The following CCDC141 variants were observed in gnomAD, a reference collection of about 807,000 sequenced individuals.
CCDC141 encodes coiled-coil domain containing 141.
Under a neutral mutation model 181.0 loss-of-function variants are expected in CCDC141, and 168 were observed. The ratio of observed to expected loss-of-function variants is 0.93; its 90% confidence interval spans 0.82 to 1.05. The LOEUF (loss-of-function observed/expected upper bound fraction) is 1.05, where lower values mean the gene tolerates loss of function less well. CCDC141 is among the 50% of genes least tolerant of loss of function. The pLI, the probability that CCDC141 is intolerant of heterozygous loss-of-function variation, is 0.00. For synonymous variants in CCDC141, 666 were observed against 642.3 expected (o/e 1.04, Z -0.56); for missense variants, 1,902 against 1,788.5 (o/e 1.06, Z -1.14).
chr2:178,868,270 A>G, intron 15 of CCDC141, 65 bp from the exon 16 acceptor site: 1 of 1,410,488 alleles, frequency 7.1e-7, no homozygotes, highest in South Asian at 1.2e-5. Context: ...TTTTAAGCCT[A>G]ATTTCTATAG....
At chr2:178,925,766 A>G (rs1172986196) in intron 6 of CCDC141, among the ~76,000 whole-genome samples, 3 of 152,140 alleles carry the variant, frequency 2.0e-5, no homozygotes, top group East Asian at 1.9e-4. Flanking sequence ...CATCTAACAC[A>G]ATTTGCCTAC....
At chr2:179,029,619 T>C (rs2042949344) in intron 2 of CCDC141, among the ~76,000 whole-genome samples, 1 of 152,198 alleles carries the variant, frequency 6.6e-6, no homozygotes, top group Admixed American at 6.5e-5. Flanking sequence ...AGTTACATAT[T>C]GGATCCATAA....
At chr2:178,989,458 G>A (rs930791503) in intron 2 of CCDC141, among the ~76,000 whole-genome samples, 3 of 151,724 alleles carry the variant, frequency 2.0e-5, no homozygotes, top group African/African-American at 7.3e-5. Flanking sequence ...GCCAGGTGTG[G>A]TGGTGGGCAC....
At chr2:178,898,432 C>T (rs949170799) in intron 8 of CCDC141, among the ~76,000 whole-genome samples, 2 of 152,154 alleles carry the variant, frequency 1.3e-5, no homozygotes, top group African/African-American at 2.4e-5. Flanking sequence ...TATTCTTCTA[C>T]AGCAACAGAA....
intron 17 of CCDC141, among the ~76,000 whole-genome samples, chr2:178,865,089 A>G (rs546505147): frequency 1.3e-5 from 2 of 152,204 alleles, no homozygotes; most frequent in South Asian, 4.1e-4. Flanking sequence ...GTGAATATCT[A>G]GGTGTTGTGG....
chr2:178,961,189 C>G (rs771361008), intron 5 of CCDC141, 41 bp downstream of exon 5: 1 of 1,540,612 alleles, frequency 6.5e-7, no homozygotes, highest in Non-Finnish European at 8.8e-7. Flanking sequence ...AACAACTAAT[C>G]AGCTGAGGCT....
downstream of CCDC141, among the ~76,000 whole-genome samples, chr2:178,825,744 C>A (rs576527432): frequency 6.6e-6 from 1 of 151,820 alleles, no homozygotes; most frequent in East Asian, 1.9e-4. Flanking sequence ...TTTCTTACAG[C>A]CTGCCTTTGC....
At chr2:179,024,244 G>A (rs1220083992) in intron 2 of CCDC141, among the ~76,000 whole-genome samples, 1 of 152,166 alleles carries the variant, frequency 6.6e-6, no homozygotes, top group African/African-American at 2.4e-5. Flanking sequence ...CAAACCCTCA[G>A]AACTGTTGCA....
chr2:179,047,485 C>T (rs111937573), intron 1 of CCDC141, 79 bp from the exon 2 acceptor site: 71 of 1,232,650 alleles, frequency 5.8e-5, no homozygotes, highest in East Asian at 3.4e-4. Context: ...TTTAATATAT[C>T]GTTTAAATTT....
chr2:178,980,431 C>A (rs1198933864), intron 2 of CCDC141, among the ~76,000 whole-genome samples: 1 of 151,966 alleles, frequency 6.6e-6, no homozygotes, highest in Non-Finnish European at 1.5e-5. Flanking sequence ...GCCTGGGCAA[C>A]AGAGCGAGAC....
chr2:178,873,646 A>C (rs1343160384), intron 12 of CCDC141: 1 of 152,212 alleles, frequency 6.6e-6, no homozygotes, highest in African/African-American at 2.4e-5. Flanking sequence ...AGCTAGTAGG[A>C]TCTGTGAAAA....
At chr2:178,924,806 G>A (rs1352549855) in intron 6 of CCDC141, among the ~76,000 whole-genome samples, 1 of 152,202 alleles carries the variant, frequency 6.6e-6, no homozygotes. Flanking sequence ...AGAGATGAAA[G>A]AAGTGTGCTG....
At chr2:178,966,661 G>C (rs1320842746) in intron 4 of CCDC141, among the ~76,000 whole-genome samples, 1 of 152,092 alleles carries the variant, frequency 6.6e-6, no homozygotes, top group Non-Finnish European at 1.5e-5. Context: ...GTGCGAAAAG[G>C]CTGAAAATTC....
chr2:178,948,339 T>C (rs1177462657), intron 5 of CCDC141, among the ~76,000 whole-genome samples: 1 of 152,236 alleles, frequency 6.6e-6, no homozygotes, highest in Non-Finnish European at 1.5e-5. Context: ...AAAATGTGGC[T>C]ACTAGAAAAT....
intron 2 of CCDC141, among the ~76,000 whole-genome samples, chr2:179,038,240 A>G (rs1477601267): frequency 1.3e-5 from 2 of 152,208 alleles, no homozygotes; most frequent in African/African-American, 4.8e-5. Flanking sequence ...AAAACATCAT[A>G]TGCTAAGTGA....
At chr2:178,966,714 C>T (rs1015480356) in intron 4 of CCDC141, among the ~76,000 whole-genome samples, 1 of 151,994 alleles carries the variant, frequency 6.6e-6, no homozygotes, top group Admixed American at 6.6e-5. Flanking sequence ...ATCAAAACTC[C>T]TCACCAGCAA....
At chr2:178,828,862 G>GT (rs1308805157), downstream of CCDC141, among the ~76,000 whole-genome samples, 6 of 152,148 alleles carry the variant, frequency 3.9e-5, no homozygotes, top group East Asian at 9.7e-4. Flanking sequence ...TTTATTGCAT[G>GT]TTTTTTTAAA....
intron 7 of CCDC141, among the ~76,000 whole-genome samples, chr2:178,908,280 C>T (rs1013232710): frequency 2.0e-5 from 3 of 152,090 alleles, no homozygotes; most frequent in Admixed American, 6.5e-5. Context: ...CTGCAACCTC[C>T]GCCTCCTGGG....
intron 6 of CCDC141, among the ~76,000 whole-genome samples, chr2:178,932,387 A>G (rs569655660): frequency 6.6e-6 from 1 of 152,316 alleles, no homozygotes; most frequent in South Asian, 2.1e-4. Flanking sequence ...GAGGGCTGCC[A>G]TGCTGTATAC....
Sources: allele counts gnomAD v4.1 joint callset (sites outside exome capture counted in the v4.1 genomes callset), GRCh38; gene constraint gnomAD v4.1.1; transcripts MANE v1.5; gene names NCBI Gene and HGNC (gene_info 2026-07-23, HGNC 2026-07-21).